The following THAP6 variants were observed in gnomAD, a reference collection of about 807,000 sequenced individuals.
The protein encoded by THAP6 is THAP domain containing 6, also known as THAP domain-containing protein 6.
THAP6 carries 13 observed loss-of-function variants against 20.0 expected under a neutral mutation model. The observed-to-expected ratio is 0.65, with a 90% CI of 0.42 to 1.03. The LOEUF (loss-of-function observed/expected upper bound fraction) is 1.03, where lower values mean the gene tolerates loss of function less well. Among genes scored for constraint, THAP6 ranks in the 50% least tolerant of loss-of-function variants. The pLI, the probability that THAP6 is intolerant of heterozygous loss-of-function variation, is 0.00. For synonymous variants in THAP6, 93 were observed against 92.2 expected, an observed-to-expected ratio of 1.01 and a Z score of -0.05; for missense variants, 262 against 261.6, an observed-to-expected ratio of 1.00 and a Z score of -0.01.
At chr4:75,532,984 G>A (rs1726733399), downstream of THAP6, among the ~76,000 whole-genome samples, 1 of 152,182 alleles carries the variant, frequency 6.6e-6, no homozygotes, top group African/African-American at 2.4e-5. Flanking sequence ...ATTGTCTTGG[G>A]GATTAACATT....
intron 2 of THAP6, among the ~76,000 whole-genome samples, chr4:75,541,292 T>C (rs1480000294): frequency 6.6e-6 from 1 of 151,862 alleles, no homozygotes; most frequent in Non-Finnish European, 1.5e-5. Flanking sequence ...AATGAAACAA[T>C]AAGCACCAAT....
chr4:75,526,933 T>A (rs184132885), intron 4 of THAP6, 27 bp from the exon 5 acceptor site: 35 of 1,604,858 alleles, frequency 2.2e-5, no homozygotes, highest in Admixed American at 1.9e-4. Context: ...TCTGTCTGAT[T>A]TAATAACTTG....
downstream of THAP6, chr4:75,530,117 C>G (rs772317899): frequency 1.4e-4 from 139 of 976,944 alleles, no homozygotes; most frequent in Non-Finnish European, 1.6e-4. Context: ...TCTAATTTCT[C>G]CTCCACCAAT....
At chr4:75,524,891 G>A (rs756052905) in intron 4 of THAP6, among the ~76,000 whole-genome samples, 2 of 152,054 alleles carry the variant, frequency 1.3e-5, no homozygotes, top group Non-Finnish European at 2.9e-5. Context: ...GAGTAGCTGG[G>A]ACTTACAGAC....
Position 75,528,676 on chromosome 4 carries a change from C to T in THAP6, c.*1462C>T, listed in dbSNP as rs902351824. 4.0e-5 allele frequency: 39 copies of T among 984,306 alleles called. No homozygotes were observed. Among genetic ancestry groups the T allele is most frequent in the Non-Finnish European group, 4.3e-5 (36 of 829,802 alleles). The allele number at this position is 984,306 out of a possible 1,614,324, so 61.0% of individuals were successfully genotyped here. On this transcript the variant is annotated 3_prime_UTR_variant, in exon 5 of 5. Coordinates refer to ENST00000311638, the MANE Select transcript of THAP6 (RefSeq NM_144721.6). The stretch of plus-strand genomic sequence containing the variant: ...CTAAATGGGATTTAACCCACATCTG[C>T]GAGATCAGCGTTATGCTAAGAGGAA...
At position 75,528,774 on chromosome 4, in the gene THAP6, G is replaced by A. The variant is rs950948592; in HGVS notation, c.*1560G>A. 2.2e-5 allele frequency: 21 copies of A among 967,102 alleles called. No individual in the cohort carries two copies. The African/African-American group carries it at 3.0e-4, about 14-fold the overall frequency. The allele number at this position is 967,102 out of a possible 1,614,324, so 59.9% of individuals were successfully genotyped here. A position where few individuals can be genotyped will look rare whatever the true frequency, so the allele number is the denominator to read the frequency against. On this transcript the variant is annotated 3_prime_UTR_variant, in exon 5 of 5. Coordinates refer to ENST00000311638, the MANE Select transcript of THAP6 (RefSeq NM_144721.6). The stretch of plus-strand genomic sequence containing the variant: ...AGGTAGTTAAAAAAAAAAAAGGCCG[G>A]GTGGTGGCTCATACCTGTAATCCTA...
At chr4:75,523,144 CT>C (rs1726138054) in intron 4 of THAP6, among the ~76,000 whole-genome samples, 1 of 152,226 alleles carries the variant, frequency 6.6e-6, no homozygotes, top group Admixed American at 6.5e-5. Context: ...GCCATTTTAA[CT>C]GGCATGAGAT....
chr4:75,538,328 A>T (rs1298790633), intron 2 of THAP6, among the ~76,000 whole-genome samples: 1 of 152,208 alleles, frequency 6.6e-6, no homozygotes. Context: ...GAGTCTCAAA[A>T]ACAGATAAAG....
At chr4:75,542,222 A>G (rs1727024464) in intron 2 of THAP6, among the ~76,000 whole-genome samples, 1 of 152,182 alleles carries the variant, frequency 6.6e-6, no homozygotes, top group South Asian at 2.1e-4. Context: ...CACCAGCAGA[A>G]CCCTACAAAT....
chr4:75,522,833 A>G (rs1022503541), intron 4 of THAP6, among the ~76,000 whole-genome samples: 2 of 152,104 alleles, frequency 1.3e-5, no homozygotes, highest in Non-Finnish European at 2.9e-5. Flanking sequence ...TTCTTTATCC[A>G]TTCATCTGTT....
At chr4:75,530,067 G>A, downstream of THAP6, 2 of 984,718 alleles carry the variant, frequency 2.0e-6, no homozygotes, top group Non-Finnish European at 2.4e-6. Context: ...TCAATAAAAT[G>A]GGCAGAGAAA....
chr4:75,519,952 C>CA (rs1725922088), intron 3 of THAP6, among the ~76,000 whole-genome samples: 1 of 151,660 alleles, frequency 6.6e-6, no homozygotes, highest in Admixed American at 6.6e-5. Context: ...CCAACAGTGT[C>CA]AAAGTGTTCC....
chr4:75,521,737 G>A lies in THAP6; in HGVS notation c.290G>A (p.Gly97Glu). 1 of 1,608,920 alleles carries A rather than the reference G, an allele frequency of 6.2e-7. No homozygotes were observed. The stretch of plus-strand genomic sequence containing the variant: ...ATTATTATTAACTACTCTTAACAGG[G>A]GAAAAGAGAAAAACTTCATTGTAGA... ...SIFDSPYHLQGKREKLHCRKN... is the reference protein window; with the variant it reads ...SIFDSPYHLQEKREKLHCRKN... Residue 97 changes from glycine to glutamate, a missense_variant and splice_region_variant, in exon 4 of 5, where the codon GGG (glycine) becomes GAG (glutamate). Gly to Glu is a moderately conservative substitution (Grantham distance 98, BLOSUM62 -2). Transcript: ENST00000311638.
intron 2 of THAP6, among the ~76,000 whole-genome samples, chr4:75,536,499 A>T (rs1726858591): frequency 6.6e-6 from 1 of 152,202 alleles, no homozygotes; most frequent in Non-Finnish European, 1.5e-5. Flanking sequence ...TATGCTGGAT[A>T]CAGACAGTTA....
chr4:75,524,216 T>C (rs1230585636), intron 4 of THAP6, among the ~76,000 whole-genome samples: 1 of 152,226 alleles, frequency 6.6e-6, no homozygotes, highest in Non-Finnish European at 1.5e-5. Flanking sequence ...CTTATAGTCG[T>C]ATACTTTCGT....
chr4:75,523,352 C>A (rs1180227985), intron 4 of THAP6, among the ~76,000 whole-genome samples: 1 of 152,116 alleles, frequency 6.6e-6, no homozygotes. Flanking sequence ...GGTTATCAAT[C>A]CCTTGTCAGA....
In THAP6 at chr4:75,529,796, A is replaced by G. The variant is rs1222790888; in HGVS notation, c.*2582A>G. 3.0e-6 allele frequency: 3 copies of G among 985,332 alleles called. No homozygotes were observed. Among genetic ancestry groups the G allele is most frequent in the African/African-American group, 3.5e-5 (2 of 57,252 alleles). The allele number at this position is 985,332 out of a possible 1,614,324, so 61.0% of individuals were successfully genotyped here. On this transcript the variant is annotated 3_prime_UTR_variant, in exon 5 of 5. Coordinates refer to ENST00000311638, the MANE Select transcript of THAP6 (RefSeq NM_144721.6). ...GTTCAACCTCAGCACCAAGTCAGGT[A>G]CGAAGCGCTTGATACGTGGAATTTT...
chr4:75,534,788 G>T (rs1204599580), downstream of THAP6, among the ~76,000 whole-genome samples: 1 of 152,156 alleles, frequency 6.6e-6, no homozygotes, highest in African/African-American at 2.4e-5. Flanking sequence ...CATTTATGCA[G>T]CCAACAGACA....
upstream of THAP6, chr4:75,514,423 C>A: frequency 1.0e-6 from 1 of 968,862 alleles, no homozygotes. Context: ...GCACGTGACC[C>A]GGGGCAGACG....
Sources: allele counts gnomAD v4.1 joint callset (sites outside exome capture counted in the v4.1 genomes callset), GRCh38; gene constraint gnomAD v4.1.1; transcripts MANE v1.5; gene names NCBI Gene and HGNC (gene_info 2026-07-23, HGNC 2026-07-21).